CCDC148: variants seen among roughly 807,000 people sequenced by gnomAD.
CCDC148 encodes the protein coiled-coil domain-containing protein 148.
In CCDC148, 89 loss-of-function variants were observed where a neutral mutation model predicts 85.7. The ratio of observed to expected loss-of-function variants is 1.04; its 90% CI spans 0.87 to 1.24. CCDC148 has a LOEUF of 1.24. Among genes scored for constraint, CCDC148 ranks in the 50% most tolerant of loss-of-function variants. The pLI is 0.00. For missense variants in CCDC148, 692 were observed against 671.7 expected (o/e 1.03, Z -0.33); for synonymous variants, 230 against 213.9 (o/e 1.08, Z -0.66).
chr2:158,221,071 A>G (rs1160540585), intron 10 of CCDC148, among the ~76,000 whole-genome samples: 2 of 152,210 alleles, frequency 1.3e-5, no homozygotes, highest in Non-Finnish European at 2.9e-5. Context: ...GAATATTTTT[A>G]TCTTCTTATG....
At chr2:158,173,739 GT>G (rs1247929755) in intron 13 of CCDC148, among the ~76,000 whole-genome samples, 1 of 151,918 alleles carries the variant, frequency 6.6e-6, no homozygotes, top group Non-Finnish European at 1.5e-5. Flanking sequence ...TAAGACCCAG[GT>G]TTTTCCTCTT....
chr2:158,396,719 T>C (rs993024362), intron 1 of CCDC148, among the ~76,000 whole-genome samples: 1 of 152,108 alleles, frequency 6.6e-6, no homozygotes, highest in East Asian at 1.9e-4. Context: ...ATATAATGCA[T>C]GTTCAGAAGT....
chr2:158,360,017 T>C (rs762826771), intron 1 of CCDC148, among the ~76,000 whole-genome samples: 4 of 152,210 alleles, frequency 2.6e-5, no homozygotes, highest in Non-Finnish European at 5.9e-5. Context: ...TACTAAGGCT[T>C]GAGTAGGCGG....
chr2:158,252,641 G>C (rs1688840742), intron 9 of CCDC148, among the ~76,000 whole-genome samples: 1 of 151,582 alleles, frequency 6.6e-6, no homozygotes, highest in South Asian at 2.1e-4. Context: ...TCTCTCCCCT[G>C]TTTCTCTACC....
chr2:158,365,794 T>A (rs1467515645), intron 1 of CCDC148, among the ~76,000 whole-genome samples: 1 of 151,958 alleles, frequency 6.6e-6, no homozygotes, highest in Non-Finnish European at 1.5e-5. Context: ...ACCCCAGAAC[T>A]TAAAGTATAA....
chr2:158,411,609 T>C (rs6437178), intron 1 of CCDC148, among the ~76,000 whole-genome samples: 120,925 of 152,022 alleles, frequency 0.8, 49,174 homozygotes, highest in South Asian at 0.91. Context: ...AGTTGTCTAA[T>C]TGTGTTCTCT....
intron 7 of CCDC148, among the ~76,000 whole-genome samples, chr2:158,329,839 T>C (rs1351660365): frequency 1.3e-5 from 2 of 152,202 alleles, no homozygotes; most frequent in South Asian, 2.1e-4. Flanking sequence ...AGAATGCTTG[T>C]GATTTTTGCA....
rs1360345695 is a variant in CCDC148 at position 158,352,879 on chromosome 2, T to C, written c.147+5570A>G. Reference sequence around the variant, plus strand: ...CCCATCAGACTAGCAGCGGATCTCTTGGCAGAAACCCTACAAGCCAGAAGA... The same window carrying C: ...CCCATCAGACTAGCAGCGGATCTCTCGGCAGAAACCCTACAAGCCAGAAGA... On this transcript the variant is annotated intron_variant, in intron 2 of 13. Transcript: ENST00000283233. 1.3e-4 allele frequency among the ~76,000 whole-genome samples: 20 copies of C among 152,180 alleles called. No homozygotes were observed. The South Asian group carries it at 2.7e-3, about 21-fold the overall frequency.
intron 1 of CCDC148, among the ~76,000 whole-genome samples, chr2:158,384,105 T>C (rs557897350): frequency 1.3e-5 from 2 of 152,302 alleles, no homozygotes; most frequent in South Asian, 4.1e-4. Flanking sequence ...AGTGATGTGC[T>C]CTTCTCATTG....
At chr2:158,345,491 G>A (rs1682952313) in intron 2 of CCDC148, among the ~76,000 whole-genome samples, 173 bp from the exon 3 acceptor site, 1 of 151,994 alleles carries the variant, frequency 6.6e-6, no homozygotes, top group African/African-American at 2.4e-5. Flanking sequence ...TTTAAAGCAG[G>A]GAGGAGAAAG....
intron 9 of CCDC148, among the ~76,000 whole-genome samples, chr2:158,276,492 G>A (rs1463747795): frequency 1.3e-5 from 2 of 152,020 alleles, no homozygotes; most frequent in Non-Finnish European, 2.9e-5. Flanking sequence ...GGAGGCGAAG[G>A]TTGCAGTGAG....
rs755383954 is a variant in CCDC148, at chr2:158,433,074, C to CA, written c.25+23340dup. On this transcript the variant is annotated intron_variant, in intron 1 of 13. Coordinates refer to ENST00000283233, the MANE Select transcript of CCDC148 (RefSeq NM_138803.4). ...AAAACATGGCAAAACCTCATCTCTA[C>CA]AAAAAAAAAAAAAAAAAATATATAT... Among the ~76,000 whole-genome samples, 406 of 74,018 alleles carry CA rather than the reference C, an allele frequency of 5.5e-3. 10 individuals are homozygous for CA. Among genetic ancestry groups the CA allele is most frequent in the African/African-American group, 0.019 (377 of 19,598 alleles). 48.6% of individuals were successfully genotyped at this position (74,018 alleles called of 152,430 possible).
intron 10 of CCDC148, among the ~76,000 whole-genome samples, chr2:158,243,031 C>T (rs1395409220): frequency 6.6e-6 from 1 of 152,064 alleles, no homozygotes. Flanking sequence ...ACAAGTTCAG[C>T]TCAGCCCTGT....
intron 1 of CCDC148, among the ~76,000 whole-genome samples, chr2:158,408,082 G>A (rs1454952806): frequency 6.6e-6 from 1 of 152,098 alleles, no homozygotes; most frequent in Non-Finnish European, 1.5e-5. Flanking sequence ...AAATGTGAAA[G>A]TATTTTTCTG....
intron 1 of CCDC148, among the ~76,000 whole-genome samples, chr2:158,436,913 C>G (rs996786750): frequency 1.3e-5 from 2 of 152,144 alleles, no homozygotes; most frequent in African/African-American, 4.8e-5. Context: ...TACACCCTCT[C>G]AAGACTAAAC....
intron 3 of CCDC148, among the ~76,000 whole-genome samples, chr2:158,341,128 C>T (rs1682667246): frequency 6.6e-6 from 1 of 152,064 alleles, no homozygotes. Flanking sequence ...CCCTGAATTA[C>T]AGAGGTAGAA....
At chr2:158,173,863 C>T (rs1277335191) in intron 13 of CCDC148, among the ~76,000 whole-genome samples, 2 of 151,966 alleles carry the variant, frequency 1.3e-5, no homozygotes, top group Admixed American at 6.6e-5. Flanking sequence ...TTTTCAGTTC[C>T]ATGTTGTGAG....
chr2:158,389,630 G>C (rs1462060111), intron 1 of CCDC148, among the ~76,000 whole-genome samples: 1 of 152,114 alleles, frequency 6.6e-6, no homozygotes, highest in Non-Finnish European at 1.5e-5. Flanking sequence ...TGCTCTGTAG[G>C]ACCACAACAT....
At chr2:158,219,765 C>T (rs1223056796) in intron 11 of CCDC148, among the ~76,000 whole-genome samples, 1 of 152,192 alleles carries the variant, frequency 6.6e-6, no homozygotes, top group Non-Finnish European at 1.5e-5. Context: ...CACCCAAGAA[C>T]TTCTCCACCA....
Sources: allele counts gnomAD v4.1 joint callset (sites outside exome capture counted in the v4.1 genomes callset), GRCh38; gene constraint gnomAD v4.1.1; transcripts MANE v1.5; gene names NCBI Gene and HGNC (gene_info 2026-07-23, HGNC 2026-07-21).